The following PTN variants were observed in gnomAD, a reference collection of about 807,000 sequenced individuals.
PTN encodes heparin affin regulatory protein.
Under a neutral mutation model 24.1 loss-of-function variants are expected in PTN, and 18 were observed. The ratio of observed to expected loss-of-function variants is 0.75; its 90% confidence interval spans 0.52 to 1.11. The LOEUF (loss-of-function observed/expected upper bound fraction) is 1.11. PTN is among the 50% of genes least tolerant of loss of function. PTN has a pLI of 0.00. For missense variants in PTN, 163 were observed against 198.8 expected, an observed-to-expected ratio of 0.82 and a Z score of 1.08; for synonymous variants, 78 against 68.6, an observed-to-expected ratio of 1.14 and a Z score of -0.67.
chr7:137,247,018 T>C (rs890367037), intron 4 of PTN, among the ~76,000 whole-genome samples: 3 of 152,226 alleles, frequency 2.0e-5, no homozygotes, highest in Admixed American at 1.3e-4. Context: ...CAGTGTCCAA[T>C]TCAAAATTAG....
chr7:137,327,792 T>C (rs899696414), intron 1 of PTN, among the ~76,000 whole-genome samples: 7 of 152,198 alleles, frequency 4.6e-5, no homozygotes, highest in Admixed American at 6.6e-5. Context: ...TCCCCTTTTA[T>C]GAGGATGAAA....
chr7:137,248,242 A>C (rs775806216), intron 4 of PTN, among the ~76,000 whole-genome samples: 4 of 152,222 alleles, frequency 2.6e-5, no homozygotes, highest in Non-Finnish European at 5.9e-5. Flanking sequence ...ATAGTACAAA[A>C]ATAAATACAA....
chr7:137,251,445 C>G, intron 3 of PTN, 54 bp from the exon 4 acceptor site: 1 of 1,567,486 alleles, frequency 6.4e-7, no homozygotes, highest in Non-Finnish European at 8.7e-7. Context: ...ATCGTACTTC[C>G]AGGATAATAA....
At position 137,253,465 on chromosome 7, in the gene PTN, G is replaced by A. The variant is rs779082764; in HGVS notation, c.288C>T (p.Gly96=). Reference sequence around the variant, plus strand: ...TTAACTCAGTAGCATGAGGCTTACCGCCAAATTGCTTCTTCCAGTTGCAGG... The same window carrying A: ...TTAACTCAGTAGCATGAGGCTTACCACCAAATTGCTTCTTCCAGTTGCAGG... ...KIPCNWKKQF[G]AECKYQFQAW... is the part of the protein sequence containing the mutation. Residue 96 remains glycine, a splice_region_variant and synonymous_variant, in exon 3 of 5, where the codon GGC becomes GGT. Transcript: ENST00000348225. The A allele has an allele frequency of 7.0e-5, 113 of 1,603,400 alleles. No homozygotes were observed. The highest frequency in any genetic ancestry group is 5.2e-4 in the East Asian group (23 of 44,568).
intron 1 of PTN, among the ~76,000 whole-genome samples, chr7:137,261,449 G>T (rs757427675): frequency 3.3e-5 from 5 of 152,096 alleles, no homozygotes; most frequent in Non-Finnish European, 5.9e-5. Context: ...CAGTTAAAAT[G>T]ATTTTACATA....
At chr7:137,247,055 C>T (rs1752384166) in intron 4 of PTN, among the ~76,000 whole-genome samples, 1 of 152,144 alleles carries the variant, frequency 6.6e-6, no homozygotes, top group Non-Finnish European at 1.5e-5. Context: ...ATCTCCTTCA[C>T]ATATTGAATT....
intron 1 of PTN, among the ~76,000 whole-genome samples, chr7:137,337,762 A>G (rs1322854318): frequency 6.6e-6 from 1 of 152,180 alleles, no homozygotes; most frequent in East Asian, 1.9e-4. Flanking sequence ...TGGAGGTTCA[A>G]AGTTGAGAAT....
intron 1 of PTN, among the ~76,000 whole-genome samples, chr7:137,296,933 G>A (rs1258482475): frequency 6.6e-6 from 1 of 152,064 alleles, no homozygotes; most frequent in Non-Finnish European, 1.5e-5. Context: ...GTTTGTTAGA[G>A]TGTGGAAAGT....
At chr7:137,327,762 C>T (rs559450211) in intron 1 of PTN, among the ~76,000 whole-genome samples, 1 of 152,286 alleles carries the variant, frequency 6.6e-6, no homozygotes, top group East Asian at 1.9e-4. Context: ...ATTTGATTTT[C>T]CAGCTCTAAG....
At chr7:137,320,446 G>A (rs1810145331) in intron 1 of PTN, among the ~76,000 whole-genome samples, 1 of 152,170 alleles carries the variant, frequency 6.6e-6, no homozygotes, top group East Asian at 1.9e-4. Context: ...TTAGTACTGT[G>A]CTTTCCTCTT....
chr7:137,265,513 C>T (rs960234015), intron 1 of PTN, among the ~76,000 whole-genome samples: 4 of 152,294 alleles, frequency 2.6e-5, no homozygotes, highest in African/African-American at 7.2e-5. Flanking sequence ...TCCTCCCTGT[C>T]GTGAGAGACA....
intron 1 of PTN, among the ~76,000 whole-genome samples, chr7:137,278,436 T>G (rs761464968): frequency 2.0e-5 from 3 of 152,078 alleles, no homozygotes; most frequent in South Asian, 2.1e-4. Flanking sequence ...ATATATATTT[T>G]CTAAAAGGTT....
intron 1 of PTN, among the ~76,000 whole-genome samples, chr7:137,315,344 C>T (rs1423093682): frequency 6.7e-6 from 1 of 150,022 alleles, no homozygotes; most frequent in African/African-American, 2.5e-5. Context: ...TCCCAGAACA[C>T]TTACACGAAA....
chr7:137,296,429 G>C (rs1357578871), intron 1 of PTN, among the ~76,000 whole-genome samples: 1 of 152,044 alleles, frequency 6.6e-6, no homozygotes, highest in Admixed American at 6.6e-5. Context: ...AGAGCTAAGG[G>C]AATGGGGAAC....
At chr7:137,287,168 TG>T (rs1299277654) in intron 1 of PTN, among the ~76,000 whole-genome samples, 1 of 152,218 alleles carries the variant, frequency 6.6e-6, no homozygotes, top group Non-Finnish European at 1.5e-5. Context: ...AAACGAGGCT[TG>T]TTCCCCCAGA....
At chr7:137,234,233 T>A (rs929051810) in intron 4 of PTN, among the ~76,000 whole-genome samples, 1 of 152,000 alleles carries the variant, frequency 6.6e-6, no homozygotes, top group Non-Finnish European at 1.5e-5. Flanking sequence ...CTTTCATCTT[T>A]TGTACATCAG....
intron 1 of PTN, among the ~76,000 whole-genome samples, chr7:137,315,484 C>T (rs982662071): frequency 6.6e-6 from 1 of 152,184 alleles, no homozygotes; most frequent in Non-Finnish European, 1.5e-5. Flanking sequence ...AAGCACAGCT[C>T]TTAAGTGTGT....
intron 1 of PTN, among the ~76,000 whole-genome samples, chr7:137,263,991 C>T (rs1335081715): frequency 1.3e-5 from 2 of 152,144 alleles, no homozygotes. Flanking sequence ...TTGTCCTAAG[C>T]AACTAAGTCA....
chr7:137,241,417 ATATAAAC>A (rs1273259104), intron 4 of PTN, among the ~76,000 whole-genome samples: 2 of 152,200 alleles, frequency 1.3e-5, no homozygotes, highest in African/African-American at 4.8e-5. Context: ...CTCTCCGTAA[ATATAAAC>A]TATAATCACT....
Sources: allele counts gnomAD v4.1 joint callset (sites outside exome capture counted in the v4.1 genomes callset), GRCh38; gene constraint gnomAD v4.1.1; transcripts MANE v1.5; gene names NCBI Gene and HGNC (gene_info 2026-07-23, HGNC 2026-07-21).